Variants in CNTN6 observed in about 807,000 individuals in gnomAD.
The protein encoded by CNTN6 is contactin-6.
A neutral mutation model predicts 122.8 loss-of-function variants in CNTN6; 137 were observed. That is an observed-to-expected ratio of 1.12 (90% CI 0.97 to 1.29). The LOEUF is 1.29. CNTN6 is among the 50% of genes most tolerant of loss of function. The probability of loss-of-function intolerance (pLI) is 0.00; values close to 1 mark genes in which losing one functional copy is unlikely to be tolerated. For missense variants in CNTN6, 1,634 were observed against 1,223.4 expected (o/e 1.34, Z -5.01); for synonymous variants, 570 against 426.0 (o/e 1.34, Z -4.16).
rs1357113653 is a variant in CNTN6, at chr3:1,245,324, A to C, written c.358+17331A>C. Among the ~76,000 whole-genome samples, 2 of 47,812 alleles carry C rather than the reference A, an allele frequency of 4.2e-5. 1 individual carries two copies. The highest frequency in any genetic ancestry group is 1.9e-4 in the African/African-American group (2 of 10,462). The allele number at this position is 47,812 out of a possible 152,430, so 31.4% of individuals were successfully genotyped here. A position where few individuals can be genotyped will look rare whatever the true frequency, so the allele number is the denominator to read the frequency against. On this transcript the variant is annotated intron_variant, in intron 4 of 22. Coordinates refer to ENST00000446702, the MANE Select transcript of CNTN6 (RefSeq NM_001289080.2). ...TATATATATATATATATATATATAT[A>C]TATATATATATAGCATGGAATACTA...
intron 20 of CNTN6, among the ~76,000 whole-genome samples, chr3:1,399,228 CAAGAG>C (rs1356273006): frequency 1.3e-5 from 2 of 151,946 alleles, no homozygotes; most frequent in African/African-American, 4.8e-5. Context: ...AGAAAGGTAT[CAAGAG>C]TAGACTAGAT....
chr3:1,158,941 CATATATATATAT>C (rs1168546445), intron 2 of CNTN6, among the ~76,000 whole-genome samples: 2 of 112,436 alleles, frequency 1.8e-5, no homozygotes, highest in Admixed American at 9.7e-5. Context: ...TACACACACA[CATATATATATAT>C]ACACACACAC....
chr3:1,228,708 T>C (rs186455189), intron 4 of CNTN6, among the ~76,000 whole-genome samples: 1 of 152,338 alleles, frequency 6.6e-6, no homozygotes, highest in Admixed American at 6.5e-5. Context: ...CCAACCATTA[T>C]GTCCCAGAGG....
chr3:1,171,478 G>A (rs2093356598), intron 2 of CNTN6, among the ~76,000 whole-genome samples: 1 of 152,188 alleles, frequency 6.6e-6, no homozygotes, highest in Non-Finnish European at 1.5e-5. Context: ...TGAGCCTGTA[G>A]ATGTTTAGCA....
chr3:1,277,189 C>A (rs927858177), intron 4 of CNTN6, among the ~76,000 whole-genome samples: 2 of 151,916 alleles, frequency 1.3e-5, no homozygotes, highest in Non-Finnish European at 2.9e-5. Flanking sequence ...AGGACACTTA[C>A]CACAATTTGT....
At chr3:1,110,037 C>G (rs1390171104) in intron 1 of CNTN6, among the ~76,000 whole-genome samples, 1 of 151,988 alleles carries the variant, frequency 6.6e-6, no homozygotes, top group Non-Finnish European at 1.5e-5. Context: ...ATCAGCTTTT[C>G]CATTTGCTTG....
intron 5 of CNTN6, among the ~76,000 whole-genome samples, chr3:1,293,748 C>T (rs1695726794): frequency 6.6e-6 from 1 of 152,134 alleles, no homozygotes; most frequent in Non-Finnish European, 1.5e-5. Context: ...CCTTCTCCAC[C>T]CTGAGTACCT....
chr3:1,295,840 C>T, intron 6 of CNTN6, 36 bp downstream of exon 6: 2 of 1,577,362 alleles, frequency 1.3e-6, no homozygotes, highest in South Asian at 2.2e-5. Context: ...TGTACTTTAT[C>T]TTTGGCCCTT....
chr3:1,301,645 A>G (rs892240434), intron 7 of CNTN6, among the ~76,000 whole-genome samples: 5 of 152,206 alleles, frequency 3.3e-5, no homozygotes, highest in Non-Finnish European at 5.9e-5. Flanking sequence ...CAATGTTGAG[A>G]TTATGTTTAT....
At chr3:1,239,336 TTAAAG>T (rs1456549250) in intron 4 of CNTN6, among the ~76,000 whole-genome samples, 2 of 152,136 alleles carry the variant, frequency 1.3e-5, no homozygotes, top group African/African-American at 4.8e-5. Context: ...AGATACAAAA[TTAAAG>T]TACACAAATC....
chr3:1,215,241 C>A (rs1466701766), intron 2 of CNTN6, among the ~76,000 whole-genome samples: 1 of 152,212 alleles, frequency 6.6e-6, no homozygotes, highest in Non-Finnish European at 1.5e-5. Context: ...TTTACTGAGA[C>A]ATGTGTTTGA....
chr3:1,148,754 G>A (rs910823473), intron 2 of CNTN6, among the ~76,000 whole-genome samples: 2 of 152,080 alleles, frequency 1.3e-5, no homozygotes, highest in Admixed American at 6.6e-5. Flanking sequence ...ACTTACGATG[G>A]GCTCAAATGG....
chr3:1,287,582 C>T (rs550265042), intron 5 of CNTN6, among the ~76,000 whole-genome samples: 13 of 152,190 alleles, frequency 8.5e-5, no homozygotes, highest in East Asian at 3.9e-4. Context: ...AGATAAGAGT[C>T]GGTAGGACTG....
chr3:1,337,284 C>G (rs1421318956), intron 11 of CNTN6, among the ~76,000 whole-genome samples: 1 of 152,100 alleles, frequency 6.6e-6, no homozygotes, highest in Admixed American at 6.6e-5. Context: ...AGTCTGGCTG[C>G]CTGAATGCAA....
chr3:1,137,292 G>A (rs1290687868), intron 1 of CNTN6, among the ~76,000 whole-genome samples: 1 of 152,186 alleles, frequency 6.6e-6, no homozygotes, highest in Non-Finnish European at 1.5e-5. Context: ...ATTTGTTGTT[G>A]TTAATGCCTT....
In CNTN6 at chr3:1,307,367, C is replaced by T. The variant is rs558718509; in HGVS notation, c.761+9376C>T. Among the ~76,000 whole-genome samples, 16 of 152,222 alleles carry T rather than the reference C, an allele frequency of 1.1e-4. No homozygotes were observed. In the East Asian group the frequency reaches 2.9e-3, roughly 28 times the overall value. On this transcript the variant is annotated intron_variant, in intron 7 of 22. Transcript: ENST00000446702. ...TCTGAGAAATGGAAAATTATTTCTT[C>T]CTTTTTTCCCCTCTGTTCATAAATA...
chr3:1,131,804 T>C (rs9851615), intron 1 of CNTN6, among the ~76,000 whole-genome samples: 2,319 of 152,250 alleles, frequency 0.015, 58 homozygotes, highest in African/African-American at 0.054. Context: ...CACCTTGTTA[T>C]GAATATCTTG....
At chr3:1,391,345 A>T (rs1427191219) in intron 20 of CNTN6, among the ~76,000 whole-genome samples, 134 of 118,990 alleles carry the variant, frequency 1.1e-3, no homozygotes, top group East Asian at 2.1e-3. Context: ...CCTTTGACAA[A>T]ATTCAACAAC....
rs3772272 is a variant in CNTN6, at chr3:1,381,641, G to C, written c.2167-1301G>C. On this transcript the variant is annotated intron_variant, in intron 17 of 22. Transcript: ENST00000446702. ...AATAGTCTCTCATGCTTATGCCTCAGTTCCTCCCATTTCCTTTACTTCCAG... is the reference window on the plus strand; with the variant it reads ...AATAGTCTCTCATGCTTATGCCTCACTTCCTCCCATTTCCTTTACTTCCAG... 4.9e-4 allele frequency among the ~76,000 whole-genome samples: 74 copies of C among 152,244 alleles called. 1 individual carries two copies. In the East Asian group the frequency reaches 0.014, roughly 28 times the overall value.
Sources: gnomAD v4.1 joint callset for allele counts (sites outside exome capture counted in the v4.1 genomes callset) on GRCh38, gnomAD v4.1.1 for gene constraint, MANE v1.5 for transcripts, NCBI Gene and HGNC (gene_info 2026-07-23, HGNC 2026-07-21) for gene names.